PARD3B: variants seen among roughly 807,000 people sequenced by gnomAD.
PARD3B encodes the protein partitioning defective 3 homolog B.
A neutral mutation model predicts 130.2 loss-of-function variants in PARD3B; 103 were observed. That is an observed-to-expected ratio of 0.79 (90% CI 0.67 to 0.93). PARD3B has a LOEUF of 0.93. PARD3B is among the 40% of genes least tolerant of loss of function. The pLI is 0.00. For missense variants in PARD3B, 1,609 were observed against 1,499.2 expected (o/e 1.07, Z -1.21); for synonymous variants, 583 against 553.2 (o/e 1.05, Z -0.76).
At chr2:204,744,689 T>A (rs369633189) in intron 2 of PARD3B, among the ~76,000 whole-genome samples, 5 of 152,220 alleles carry the variant, frequency 3.3e-5, no homozygotes, top group African/African-American at 9.6e-5. Flanking sequence ...GTATCAGGAT[T>A]TGGAGAGTTG....
At chr2:205,055,205 C>T (rs1699557842) in intron 4 of PARD3B, among the ~76,000 whole-genome samples, 1 of 152,122 alleles carries the variant, frequency 6.6e-6, no homozygotes, top group Non-Finnish European at 1.5e-5. Context: ...TTTCTAATAA[C>T]TGTTCAAAAC....
At chr2:204,697,253 C>T (rs990068302) in intron 2 of PARD3B, among the ~76,000 whole-genome samples, 4 of 152,026 alleles carry the variant, frequency 2.6e-5, no homozygotes, top group Non-Finnish European at 5.9e-5. Flanking sequence ...TTTTACAGAG[C>T]TCTTGGTTGA....
rs150292429 is a variant in PARD3B at position 205,462,994 on chromosome 2, T to C, written c.3044+22322T>C. Among the ~76,000 whole-genome samples, 390 of 152,274 alleles carry C rather than the reference T, an allele frequency of 2.6e-3. 1 individual carries two copies. The highest frequency in any genetic ancestry group is 8.7e-3 in the African/African-American group (360 of 41,552). On this transcript the variant is annotated intron_variant, in intron 20 of 22. Transcript: ENST00000406610. The stretch of plus-strand genomic sequence containing the variant: ...GTGCCCCTATCTGACACCTGTAAAA[T>C]TGTGAGTTCCCTGTGGGCTCTAATA...
intron 1 of PARD3B, among the ~76,000 whole-genome samples, chr2:204,552,352 T>C (rs2030525624): frequency 2.0e-5 from 3 of 152,088 alleles, no homozygotes; most frequent in Admixed American, 2.0e-4. Flanking sequence ...AGTTTACACC[T>C]TTGGTGCAAC....
intron 18 of PARD3B, among the ~76,000 whole-genome samples, chr2:205,378,777 G>C (rs978637324): frequency 5.9e-5 from 9 of 151,760 alleles, no homozygotes; most frequent in African/African-American, 2.2e-4. Context: ...GACTACAGGC[G>C]TGCACCACCA....
chr2:204,865,650 G>A (rs1334311082), intron 2 of PARD3B, among the ~76,000 whole-genome samples: 1 of 152,088 alleles, frequency 6.6e-6, no homozygotes, highest in East Asian at 1.9e-4. Context: ...GTGGGAGGCA[G>A]GTGAGGGATA....
intron 15 of PARD3B, among the ~76,000 whole-genome samples, chr2:205,231,281 G>C (rs2038820673): frequency 1.3e-5 from 2 of 151,788 alleles, no homozygotes; most frequent in South Asian, 4.2e-4. Context: ...GATTTAGAAG[G>C]CTGTAGTTAT....
chr2:204,780,441 T>G (rs181590632), intron 2 of PARD3B, among the ~76,000 whole-genome samples: 3 of 152,320 alleles, frequency 2.0e-5, no homozygotes, highest in African/African-American at 7.2e-5. Flanking sequence ...TGAAACAGAT[T>G]TTTTAAATAA....
intron 22 of PARD3B, among the ~76,000 whole-genome samples, chr2:205,612,545 ATGT>A (rs1420058339): frequency 6.6e-6 from 1 of 152,222 alleles, no homozygotes; most frequent in East Asian, 1.9e-4. Context: ...TATGAACAAA[ATGT>A]TGTTATAAAC....
chr2:204,987,351 A>T (rs1253305648), intron 3 of PARD3B, among the ~76,000 whole-genome samples: 1 of 152,228 alleles, frequency 6.6e-6, no homozygotes, highest in Non-Finnish European at 1.5e-5. Flanking sequence ...GAATTCTGAA[A>T]ATATTGCCAG....
intron 18 of PARD3B, among the ~76,000 whole-genome samples, chr2:205,398,588 G>C (rs1323267703): frequency 6.6e-6 from 1 of 152,112 alleles, no homozygotes; most frequent in African/African-American, 2.4e-5. Context: ...TAGGAAAGAA[G>C]ACTTGCTAAT....
intron 22 of PARD3B, among the ~76,000 whole-genome samples, chr2:205,611,845 G>A (rs1160696411): frequency 6.6e-6 from 1 of 152,066 alleles, no homozygotes; most frequent in East Asian, 1.9e-4. Flanking sequence ...AACTCAAGAA[G>A]TCACATGAAA....
At chr2:205,104,813 T>G (rs747918872) in intron 5 of PARD3B, among the ~76,000 whole-genome samples, 1 of 152,162 alleles carries the variant, frequency 6.6e-6, no homozygotes, top group African/African-American at 2.4e-5. Flanking sequence ...ATTTCAGAGG[T>G]CATTGTGGTG....
intron 2 of PARD3B, among the ~76,000 whole-genome samples, chr2:204,808,870 A>G (rs985168688): frequency 3.3e-5 from 5 of 152,234 alleles, no homozygotes; most frequent in African/African-American, 7.2e-5. Context: ...GCTGGGTTCA[A>G]TGGCAGTTGT....
chr2:204,936,427 C>T (rs922891239), intron 2 of PARD3B, among the ~76,000 whole-genome samples: 1 of 152,246 alleles, frequency 6.6e-6, no homozygotes, highest in Non-Finnish European at 1.5e-5. Context: ...TTTCTCCCTT[C>T]TCATGCACTT....
chr2:205,001,001 G>GTTTT, intron 3 of PARD3B, among the ~76,000 whole-genome samples: 1 of 152,146 alleles, frequency 6.6e-6, no homozygotes, highest in East Asian at 1.9e-4. Context: ...TTGTTTGTTT[G>GTTTT]TTTTTTAGAC....
intron 1 of PARD3B, among the ~76,000 whole-genome samples, chr2:204,552,676 A>G (rs1473505955): frequency 6.6e-6 from 1 of 152,146 alleles, no homozygotes; most frequent in Non-Finnish European, 1.5e-5. Flanking sequence ...ATTTTTGTGT[A>G]AGGTTGAGAG....
chr2:205,029,793 A>G (rs1213708540), intron 3 of PARD3B, among the ~76,000 whole-genome samples: 1 of 152,160 alleles, frequency 6.6e-6, no homozygotes, highest in Admixed American at 6.6e-5. Context: ...TAAACAGGAC[A>G]TAAAACTCCA....
chr2:204,995,445 G>T (rs1694087781), intron 3 of PARD3B, among the ~76,000 whole-genome samples: 1 of 149,702 alleles, frequency 6.7e-6, no homozygotes, highest in Non-Finnish European at 1.5e-5. Flanking sequence ...TCTGCCGAGA[G>T]ATCCACTGTT....
Sources: gnomAD v4.1 joint callset for allele counts (sites outside exome capture counted in the v4.1 genomes callset) on GRCh38, gnomAD v4.1.1 for gene constraint, MANE v1.5 for transcripts, NCBI Gene and HGNC (gene_info 2026-07-23, HGNC 2026-07-21) for gene names.